The following ACTN3 variants were observed in gnomAD, a reference collection of about 807,000 sequenced individuals.
ACTN3 encodes alpha-actinin-3.
A neutral mutation model predicts 119.6 loss-of-function variants in ACTN3; 91 were observed. The ratio of observed to expected loss-of-function variants is 0.76; its 90% CI spans 0.64 to 0.91. The LOEUF (loss-of-function observed/expected upper bound fraction) is 0.91, where lower values mean the gene tolerates loss of function less well. Among genes scored for constraint, ACTN3 ranks in the 40% least tolerant of loss-of-function variants. The pLI is 0.00. For synonymous variants in ACTN3, 456 were observed against 478.8 expected, an observed-to-expected ratio of 0.95 and a Z score of 0.62; for missense variants, 1,221 against 1,215.1, an observed-to-expected ratio of 1.00 and a Z score of -0.07.
At position 66,563,138 on chromosome 11, in the gene ACTN3, G is replaced by A. The variant is rs1315550275; in HGVS notation, c.2651G>A (p.Gly884Glu). 5.6e-6 allele frequency: 9 copies of A among 1,613,220 alleles called. No individual in the cohort carries two copies. The highest frequency in any genetic ancestry group is 1.3e-5 in the African/African-American group (1 of 74,926). Residue 884 changes from glycine to glutamate, a missense_variant, in exon 21 of 21, where the codon GGA becomes GAA. This residue lies in a region of ACTN3 where 934 missense variants were observed against 899.9 expected (regional missense o/e 1.04). Coordinates refer to ENST00000513398, the MANE Select transcript of ACTN3 (RefSeq NM_001104.4). ...TACAAGGGATCCGGGGCCCCGGCTG[G>A]AGCCCTGGACTACGTGGCCTTCTCC... ...VPYKGSGAPA[G>E]ALDYVAFSSA...
At position 66,561,297 on chromosome 11, in the gene ACTN3, G is replaced by C; in HGVS notation, c.1931G>C (p.Arg644Thr). ...EELARQQVNE[R>T]LRRQFAAQAN... ...CTGGCACGGCAGCAGGTAAACGAGA[G>C]GCTCCGGCGACAGTTTGCGGCCCAG... Residue 644 changes from arginine (R) to threonine (T), a missense_variant, in exon 16 of 21, where the codon AGG becomes ACG. By Grantham distance (71) the Arg-to-Thr change is moderately conservative. Coordinates refer to ENST00000513398, the MANE Select transcript of ACTN3 (RefSeq NM_001104.4). The C allele has an allele frequency of 6.2e-7, 1 of 1,609,512 alleles. No homozygotes were observed. Among genetic ancestry groups the C allele is most frequent in the Non-Finnish European group, 8.5e-7 (1 of 1,178,724 alleles).
intron 17 of ACTN3, 24 bp from the exon 18 acceptor site, chr11:66,561,998 A>G (rs747553516): frequency 6.3e-7 from 1 of 1,588,132 alleles, no homozygotes; most frequent in Non-Finnish European, 8.6e-7. Context: ...GCCCACTGAC[A>G]GTGGCCTGTC....
intron 3 of ACTN3, 64 bp from the exon 4 acceptor site, chr11:66,553,981 C>G: frequency 6.9e-7 from 1 of 1,448,932 alleles, no homozygotes; most frequent in Non-Finnish European, 9.6e-7. Flanking sequence ...GGAAGGTAAG[C>G]TGAGGCCAGA....
intron 3 of ACTN3, among the ~76,000 whole-genome samples, chr11:66,552,851 G>GTCTCTCTC (rs564902238): frequency 9.1e-4 from 119 of 131,362 alleles, no homozygotes; most frequent in Middle Eastern, 4.0e-3. Context: ...GAGAGACTCT[G>GTCTCTCTC]TCTCTCTCTC....
intron 3 of ACTN3, among the ~76,000 whole-genome samples, chr11:66,552,880 TCACACACACACA>T (rs4013815): frequency 1.7e-4 from 20 of 114,804 alleles, no homozygotes; most frequent in Middle Eastern, 4.2e-3. Context: ...TCTCTCTCTC[TCACACACACACA>T]CACACACACA....
intron 1 of ACTN3, among the ~76,000 whole-genome samples, chr11:66,548,536 C>G (rs556927767): frequency 1.4e-4 from 21 of 152,318 alleles, no homozygotes; most frequent in Admixed American, 1.4e-3. Context: ...CATAGAGGAT[C>G]TGAAAATCAA....
At chr11:66,555,044 G>A (rs1162085101) in intron 5 of ACTN3, 86 bp from the exon 6 acceptor site, 7 of 1,212,678 alleles carry the variant, frequency 5.8e-6, no homozygotes, top group Non-Finnish European at 8.4e-6. Flanking sequence ...AGATGAGGCT[G>A]TCCTTCTGGG....
chr11:66,559,209 G>T, intron 11 of ACTN3, 27 bp from the exon 12 acceptor site: 1 of 1,463,128 alleles, frequency 6.8e-7, no homozygotes, highest in East Asian at 2.7e-5. Context: ...GCCACTGGGT[G>T]ACCGGAGCCG....
intron 15 of ACTN3, 31 bp from the exon 16 acceptor site, chr11:66,561,195 AG>A (rs780618398): frequency 4.3e-5 from 65 of 1,503,904 alleles, no homozygotes; most frequent in Middle Eastern, 2.4e-4. Flanking sequence ...CAGCCCCCAG[AG>A]CTGGCTCTGG....
At chr11:66,554,456 C>CA (rs574346914) in intron 4 of ACTN3, 80 bp from the exon 5 acceptor site, 256,260 of 843,286 alleles carry the variant, frequency 0.3, 15,981 homozygotes, top group African/African-American at 0.56. Context: ...GACCCTGTCT[C>CA]AAAAAAAAAA....
chr11:66,551,783 GC>G, intron 3 of ACTN3, 136 bp downstream of exon 3: 1 of 1,354,990 alleles, frequency 7.4e-7, no homozygotes, highest in Non-Finnish European at 1.0e-6. Context: ...CCTGTAAAGA[GC>G]CAGTATGCCA....
intron 3 of ACTN3, among the ~76,000 whole-genome samples, chr11:66,552,750 G>T (rs181597797): frequency 6.6e-6 from 1 of 151,860 alleles, no homozygotes; most frequent in African/African-American, 2.4e-5. Context: ...CCAGCTACTC[G>T]TGAGGCTGAG....
chr11:66,560,676 A>G lies in ACTN3; in HGVS notation c.1781A>G (p.Gln594Arg). 1 of 1,613,948 alleles carries G rather than the reference A, an allele frequency of 6.2e-7. No homozygotes were observed. Among genetic ancestry groups the G allele is most frequent in the Non-Finnish European group, 8.5e-7 (1 of 1,179,872 alleles). Residue 594 changes from glutamine to arginine, a missense_variant, in exon 15 of 21, where the codon CAG (glutamine) becomes CGG (arginine). Physicochemically the swap from Gln to Arg is conservative, Grantham distance 43 (BLOSUM62 1). Transcript: ENST00000513398. ...GIQGEIQKICQTYGLRPCSTN... is the reference protein window; with the variant it reads ...GIQGEIQKICRTYGLRPCSTN... ...CAGGGTGAGATCCAGAAGATCTGCC[A>G]GACGTATGGGCTGCGGCCCTGCTCC... is the stretch of plus-strand genomic sequence containing the variant.
intron 8 of ACTN3, among the ~76,000 whole-genome samples, chr11:66,556,519 G>C (rs999591524): frequency 6.6e-6 from 1 of 152,152 alleles, no homozygotes; most frequent in African/African-American, 2.4e-5. Context: ...GCGTGATCAC[G>C]GCTCATTGCT....
rs1472653060 is a variant in ACTN3 at position 66,562,177 on chromosome 11, G to C, written c.2322+9G>C. On this transcript the variant is annotated intron_variant, in intron 18 of 20. Transcript: ENST00000513398. ...TCAACCACTTTGACAGGGTCAGCAG[G>C]GGCCTGGCCCTGTGGGGTAAGACAC... is the stretch of plus-strand genomic sequence containing the variant. 6.2e-7 allele frequency: 1 copy of C among 1,613,938 alleles called. No individual in the cohort carries two copies. The highest frequency in any genetic ancestry group is 2.2e-5 in the East Asian group (1 of 44,856).
intron 1 of ACTN3, among the ~76,000 whole-genome samples, chr11:66,547,329 C>T (rs993600742): frequency 1.3e-5 from 2 of 152,160 alleles, no homozygotes; most frequent in Non-Finnish European, 2.9e-5. Flanking sequence ...GGTTCATTCC[C>T]CTGGGCCCAC....
At position 66,551,312 on chromosome 11, in the gene ACTN3, G is replaced by T. The variant is rs202165715; in HGVS notation, c.221G>T (p.Arg74Leu). The change falls in exon 2 of 21, where the codon CGC (arginine) becomes CTC (leucine). Residue 74 changes from arginine to leucine, a missense_variant. Coordinates refer to ENST00000513398, the MANE Select transcript of ACTN3 (RefSeq NM_001104.4). Reference protein sequence around the residue: ...TQIENIEEDFRNGLKLMLLLE... With the variant: ...TQIENIEEDFLNGLKLMLLLE... ...ATCGAGAACATCGAGGAAGATTTCC[G>T]CAATGGCCTCAAACTCATGCTGCTC... 2.5e-6 allele frequency: 4 copies of T among 1,611,410 alleles called. No individual in the cohort carries two copies. The Admixed American group carries it at 5.0e-5, about 20-fold the overall frequency.
intron 3 of ACTN3, 95 bp from the exon 4 acceptor site, chr11:66,553,950 G>T: frequency 1.0e-6 from 1 of 983,762 alleles, no homozygotes; most frequent in Non-Finnish European, 1.5e-6. Flanking sequence ...GGGAGACAAG[G>T]GCCAGAGGGC....
At chr11:66,559,713 C>T (rs1232319504) in intron 12 of ACTN3, among the ~76,000 whole-genome samples, 2 of 151,726 alleles carry the variant, frequency 1.3e-5, no homozygotes, top group Admixed American at 1.3e-4. Flanking sequence ...TCCCATGAAC[C>T]CGCCCCTTCT....
Sources: allele counts gnomAD v4.1 joint callset (sites outside exome capture counted in the v4.1 genomes callset), GRCh38; gene constraint gnomAD v4.1.1; regional missense constraint gnomAD v4.1.1; transcripts MANE v1.5; gene names NCBI Gene and HGNC (gene_info 2026-07-23, HGNC 2026-07-21).